Variants in CRTAC1 observed in about 807,000 individuals in gnomAD.
The protein encoded by CRTAC1 is cartilage acidic protein 1, also known as acidic secreted protein in cartilage.
In CRTAC1, 37 loss-of-function variants were observed where a neutral mutation model predicts 67.8. That is an observed-to-expected ratio of 0.55 (90% CI 0.42 to 0.72). The LOEUF (loss-of-function observed/expected upper bound fraction) is 0.72. Among genes scored for constraint, CRTAC1 ranks in the 30% least tolerant of loss-of-function variants. The probability of loss-of-function intolerance (pLI) is 0.00; values close to 1 mark genes in which losing one functional copy is unlikely to be tolerated. For missense variants in CRTAC1, 780 were observed against 931.6 expected (o/e 0.84, Z 2.12); for synonymous variants, 348 against 371.0 (o/e 0.94, Z 0.71).
In CRTAC1 at chr10:98,011,330, CT is replaced by C; in HGVS notation, c.31del (p.Arg11GlyfsTer73). ...GAGCAGCAGCAGGAACGGTAACATCCTGGACATCTGAAACCAAAAGTGACAA... is the reference window on the plus strand; with the variant it reads ...GAGCAGCAGCAGGAACGGTAACATCCGGACATCTGAAACCAAAAGTGACAA... MAPSADPGMS[R>X]MLPFLLLLWF... On this transcript the variant is annotated frameshift_variant, in exon 2 of 15. Coordinates refer to ENST00000370597, the MANE Select transcript of CRTAC1 (RefSeq NM_018058.7). LOFTEE classifies it high-confidence loss of function. 1 of 1,613,792 alleles carries C rather than the reference CT, an allele frequency of 6.2e-7. No individual in the cohort carries two copies.
chr10:97,901,491 T>G lies in CRTAC1; in HGVS notation c.1133+12A>C, dbSNP rs757949495. ...AAGGATGAAGAGCCACGAGCCAGGA[T>G]GGAGCATCTACCGGAAGAGGCGGTT... On this transcript the variant is annotated intron_variant, in intron 8 of 14. Transcript: ENST00000370597. 2.5e-6 allele frequency: 4 copies of G among 1,614,098 alleles called. No individual in the cohort carries two copies. The highest frequency in any genetic ancestry group is 1.6e-4 in the Middle Eastern group (1 of 6,062).
intron 1 of CRTAC1, among the ~76,000 whole-genome samples, chr10:98,028,751 AG>A (rs1484098051): frequency 6.6e-6 from 1 of 152,360 alleles, no homozygotes; most frequent in East Asian, 1.9e-4. Flanking sequence ...TGACTGCAGC[AG>A]ACAACGATGG....
chr10:98,028,963 C>G (rs189772408), intron 1 of CRTAC1, among the ~76,000 whole-genome samples: 2 of 152,088 alleles, frequency 1.3e-5, no homozygotes, highest in South Asian at 4.1e-4. Flanking sequence ...TAGTACCCAC[C>G]GGAAATGGAA....
chr10:97,916,787 C>T (rs753093237), intron 5 of CRTAC1, among the ~76,000 whole-genome samples: 1 of 152,120 alleles, frequency 6.6e-6, no homozygotes, highest in Non-Finnish European at 1.5e-5. Flanking sequence ...TTTTTGGCAC[C>T]CAAAACAGGA....
At chr10:97,884,145 C>A in intron 12 of CRTAC1, 61 bp downstream of exon 12, 2 of 1,525,512 alleles carry the variant, frequency 1.3e-6, no homozygotes, top group East Asian at 2.5e-5. Flanking sequence ...CCAGCTTCAG[C>A]CCATGGGGTT....
chr10:97,889,115 T>A (rs913637075), intron 11 of CRTAC1, among the ~76,000 whole-genome samples: 17 of 4,654 alleles, frequency 3.7e-3, no homozygotes, highest in Non-Finnish European at 6.0e-3. Flanking sequence ...CCAGGGGCAG[T>A]GGAGGCGGGA....
rs144453230 is a variant in CRTAC1, at chr10:97,910,387, T to A, written c.716-2240A>T. ...GAGAAGCAGTTGCAGGAATGTCACC[T>A]GGGAGCTTGCTAGAATTGCAGAATC... On this transcript the variant is annotated intron_variant, in intron 5 of 14. Transcript: ENST00000370597. Among the ~76,000 whole-genome samples, 322 of 152,322 alleles carry A rather than the reference T, an allele frequency of 2.1e-3. 3 individuals are homozygous for A. Among genetic ancestry groups the A allele is most frequent in the African/African-American group, 7.5e-3 (310 of 41,578 alleles).
chr10:97,871,471 G>A (rs2050092776), intron 14 of CRTAC1: 1 of 152,168 alleles, frequency 6.6e-6, no homozygotes, highest in African/African-American at 2.4e-5. Context: ...GTTATACGAT[G>A]GCCTCATGAT....
At chr10:98,003,182 T>C (rs953860159) in intron 2 of CRTAC1, among the ~76,000 whole-genome samples, 6 of 152,308 alleles carry the variant, frequency 3.9e-5, no homozygotes, top group Admixed American at 1.3e-4. Context: ...TACACAATAA[T>C]ACAGTTAAAA....
chr10:98,015,670 T>C (rs560043968), intron 1 of CRTAC1, among the ~76,000 whole-genome samples: 1 of 152,338 alleles, frequency 6.6e-6, no homozygotes, highest in Non-Finnish European at 1.5e-5. Context: ...CACATGATTC[T>C]AATATGTTGC....
At chr10:97,891,469 G>A (rs1204409408) in intron 11 of CRTAC1, among the ~76,000 whole-genome samples, 1 of 152,232 alleles carries the variant, frequency 6.6e-6, no homozygotes, top group African/African-American at 2.4e-5. Context: ...AAGCTGCCCA[G>A]AACAAAACTG....
In CRTAC1 at chr10:98,011,170, G is replaced by A. The variant is rs746323262; in HGVS notation, c.192C>T (p.Asp64=). ...LNYGVAVTDV[D]HDGDFEIVVA... is the part of the protein sequence containing the mutation. ...CGACGATCTCAAAGTCCCCATCATG[G>A]TCCACATCAGTAACTGCCACACCAT... Residue 64 remains aspartate (D), a synonymous_variant, in exon 2 of 15, where the codon GAC becomes GAT. Transcript: ENST00000370597. 6.2e-7 allele frequency: 1 copy of A among 1,614,174 alleles called. No homozygotes were observed. The highest frequency in any genetic ancestry group is 2.2e-5 in the East Asian group (1 of 44,878).
In CRTAC1 at chr10:97,936,243, C is replaced by T; in HGVS notation, c.348G>A (p.Gly116=). 6.2e-7 allele frequency: 1 copy of T among 1,614,162 alleles called. No homozygotes were observed. Among genetic ancestry groups the T allele is most frequent in the South Asian group, 1.1e-5 (1 of 91,076 alleles). ...ALRDRQGNAI[G]VTACDIDGDG... The stretch of plus-strand genomic sequence containing the variant: ...CCCCGTCGATGTCGCAGGCTGTGAC[C>T]CCGATGGCGTTCCCCTGCCGGTCCC... The change falls in exon 3 of 15, where the codon GGG becomes GGA. Residue 116 remains glycine (G), a synonymous_variant. Transcript: ENST00000370597.
intron 2 of CRTAC1, among the ~76,000 whole-genome samples, chr10:97,976,625 T>G (rs1043335975): frequency 7.2e-5 from 11 of 152,220 alleles, no homozygotes; most frequent in African/African-American, 2.7e-4. Context: ...TCAGTTGAAA[T>G]TCTATCTATT....
At chr10:97,967,794 G>A (rs1271143507) in intron 2 of CRTAC1, among the ~76,000 whole-genome samples, 3 of 152,160 alleles carry the variant, frequency 2.0e-5, no homozygotes, top group African/African-American at 7.2e-5. Flanking sequence ...AAGAAATAAG[G>A]AAAGGAGGGG....
intron 5 of CRTAC1, among the ~76,000 whole-genome samples, chr10:97,911,727 A>G (rs1041456150): frequency 6.6e-6 from 1 of 152,256 alleles, no homozygotes; most frequent in African/African-American, 2.4e-5. Flanking sequence ...ATGCTCTGCC[A>G]GGCCAATGTC....
At chr10:97,933,123 G>A (rs917764224) in intron 3 of CRTAC1, among the ~76,000 whole-genome samples, 2 of 152,232 alleles carry the variant, frequency 1.3e-5, no homozygotes, top group Admixed American at 1.3e-4. Context: ...GGTGGCAATG[G>A]CCAAGTGCCA....
chr10:97,894,934 GCATTTGAACAAGCCT>G (rs2050434890), intron 11 of CRTAC1, among the ~76,000 whole-genome samples: 3 of 150,946 alleles, frequency 2.0e-5, no homozygotes, highest in African/African-American at 7.3e-5. Context: ...GTGCAGCCCA[GCATTTGAACAAGCCT>G]ACAGCCTTGA....
At position 97,909,252 on chromosome 10, in the gene CRTAC1, A is replaced by G. The variant is rs947256907; in HGVS notation, c.716-1105T>C. 2.6e-5 allele frequency among the ~76,000 whole-genome samples: 4 copies of G among 151,598 alleles called. No homozygotes were observed. In the South Asian group the frequency reaches 8.3e-4, roughly 32 times the overall value. On this transcript the variant is annotated intron_variant, in intron 5 of 14. Coordinates refer to ENST00000370597, the MANE Select transcript of CRTAC1 (RefSeq NM_018058.7). ...GAAGACTCTCTGCTTGCCAGGCCCC[A>G]CCTCCAGCTCCCAGGAACACAAATC...
Sources: gnomAD v4.1 joint callset for allele counts (sites outside exome capture counted in the v4.1 genomes callset) on GRCh38, gnomAD v4.1.1 for gene constraint, MANE v1.5 for transcripts, NCBI Gene and HGNC (gene_info 2026-07-23, HGNC 2026-07-21) for gene names.